PLPP4: variants seen among roughly 807,000 people sequenced by gnomAD.
PLPP4 encodes the protein phospholipid phosphatase 4.
PLPP4 carries 20 observed loss-of-function variants against 32.2 expected under a neutral mutation model. That is an observed-to-expected ratio of 0.62 (90% CI 0.44 to 0.90). The LOEUF is 0.90. Ranked by LOEUF, PLPP4 falls within the 40% of genes least tolerant of loss-of-function variation. PLPP4 has a pLI of 0.00. For synonymous variants in PLPP4, 127 were observed against 133.0 expected, an observed-to-expected ratio of 0.95 and a Z score of 0.31; for missense variants, 257 against 353.1, an observed-to-expected ratio of 0.73 and a Z score of 2.18.
intron 1 of PLPP4, among the ~76,000 whole-genome samples, chr10:120,465,630 G>T (rs532999993): frequency 6.7e-4 from 102 of 152,274 alleles, no homozygotes; most frequent in African/African-American, 2.3e-3. Context: ...TGAACCATAT[G>T]AAATTGCTGA....
At chr10:120,524,778 A>G (rs1229664820) in intron 5 of PLPP4, among the ~76,000 whole-genome samples, 1 of 152,166 alleles carries the variant, frequency 6.6e-6, no homozygotes, top group Non-Finnish European at 1.5e-5. Context: ...TTTTCATCCA[A>G]CCTAAAAGAA....
intron 5 of PLPP4, among the ~76,000 whole-genome samples, chr10:120,533,359 G>A (rs763234827): frequency 3.3e-5 from 5 of 151,936 alleles, no homozygotes; most frequent in Admixed American, 6.6e-5. Context: ...TTTTAAATCC[G>A]GTTTTGTGTC....
intron 5 of PLPP4, among the ~76,000 whole-genome samples, chr10:120,550,842 G>T (rs904020804): frequency 1.3e-5 from 2 of 152,058 alleles, no homozygotes; most frequent in South Asian, 4.2e-4. Flanking sequence ...GATAGACAAA[G>T]ATTTCTTTAG....
rs1463755579 is a variant in PLPP4 at position 120,468,374 on chromosome 10, C to T, written c.56+11013C>T. Among the ~76,000 whole-genome samples the T allele has an allele frequency of 3.1e-5, 2 of 65,072 alleles. 1 individual carries two copies. Among genetic ancestry groups the T allele is most frequent in the African/African-American group, 6.5e-5 (2 of 30,578 alleles). 42.7% of individuals were successfully genotyped at this position (65,072 alleles called of 152,430 possible). Reference sequence around the variant, plus strand: ...TCTATAGTAGGTAGTTATTTGTTTACTTGAGAAGACATTTATAACAATTGT... The same window carrying T: ...TCTATAGTAGGTAGTTATTTGTTTATTTGAGAAGACATTTATAACAATTGT... On this transcript the variant is annotated intron_variant, in intron 1 of 6. Coordinates refer to ENST00000398250, the MANE Select transcript of PLPP4 (RefSeq NM_001030059.3).
chr10:120,581,814 C>T (rs1379539558), intron 6 of PLPP4, among the ~76,000 whole-genome samples: 1 of 152,190 alleles, frequency 6.6e-6, no homozygotes, highest in African/African-American at 2.4e-5. Context: ...TGTCCCTCTC[C>T]CCTTGCGCAT....
chr10:120,477,005 G>C (rs892448607), intron 1 of PLPP4, among the ~76,000 whole-genome samples: 3 of 152,092 alleles, frequency 2.0e-5, no homozygotes, highest in African/African-American at 7.2e-5. Flanking sequence ...TTGTTTATAA[G>C]AATTATCTTA....
chr10:120,457,960 G>C (rs1847868810), intron 1 of PLPP4, among the ~76,000 whole-genome samples: 3 of 152,266 alleles, frequency 2.0e-5, no homozygotes. Context: ...TCTGTGCCCG[G>C]TCGATGTCCG....
intron 2 of PLPP4, among the ~76,000 whole-genome samples, chr10:120,511,656 G>A (rs755048976): frequency 4.6e-5 from 7 of 152,172 alleles, no homozygotes; most frequent in Admixed American, 1.3e-4. Context: ...GAGAAACAAG[G>A]ACTTCTTTGA....
chr10:120,539,363 A>G (rs890217051), intron 5 of PLPP4, among the ~76,000 whole-genome samples: 4 of 152,200 alleles, frequency 2.6e-5, no homozygotes, highest in Admixed American at 2.0e-4. Flanking sequence ...AGGGCTTAAA[A>G]TGCCTGTCAA....
chr10:120,566,414 G>T (rs541434440), intron 5 of PLPP4, among the ~76,000 whole-genome samples: 49 of 152,284 alleles, frequency 3.2e-4, no homozygotes, highest in Non-Finnish European at 3.5e-4. Flanking sequence ...TGAGAAGCAT[G>T]AATTGGATAG....
intron 6 of PLPP4, chr10:120,581,024 G>T: frequency 7.8e-7 from 1 of 1,289,274 alleles, no homozygotes; most frequent in South Asian, 1.2e-5. Context: ...TGGTGCCTAG[G>T]AGAGCGTAAG....
intron 5 of PLPP4, among the ~76,000 whole-genome samples, chr10:120,540,662 T>C (rs1847295057): frequency 6.6e-6 from 1 of 152,370 alleles, no homozygotes; most frequent in East Asian, 1.9e-4. Flanking sequence ...ATAACTATTC[T>C]TGGCAGCCCT....
chr10:120,582,039 C>T (rs1218058064), intron 6 of PLPP4, among the ~76,000 whole-genome samples: 1 of 152,164 alleles, frequency 6.6e-6, no homozygotes, highest in East Asian at 1.9e-4. Flanking sequence ...ACTTAGTTTG[C>T]TGGCGTCTGC....
intron 2 of PLPP4, among the ~76,000 whole-genome samples, chr10:120,509,246 G>A (rs542339777): frequency 2.6e-5 from 4 of 152,200 alleles, no homozygotes; most frequent in South Asian, 2.1e-4. Flanking sequence ...TATTATTATC[G>A]TCATACCCAT....
chr10:120,486,146 T>A, intron 1 of PLPP4, among the ~76,000 whole-genome samples: 1 of 152,206 alleles, frequency 6.6e-6, no homozygotes, highest in Non-Finnish European at 1.5e-5. Context: ...GGCCAGGGCC[T>A]GCTTCTGTGG....
intron 2 of PLPP4, among the ~76,000 whole-genome samples, chr10:120,504,661 G>C (rs1845413266): frequency 1.3e-5 from 2 of 152,198 alleles, no homozygotes; most frequent in Admixed American, 6.5e-5. Flanking sequence ...CTTTCTACAA[G>C]TCATTGCCCA....
chr10:120,557,252 A>G (rs1848204068), intron 5 of PLPP4, among the ~76,000 whole-genome samples: 1 of 152,200 alleles, frequency 6.6e-6, no homozygotes, highest in South Asian at 2.1e-4. Flanking sequence ...TGAAGCTTGA[A>G]ATATGTTTTG....
chr10:120,573,681 C>A (rs34203070), intron 5 of PLPP4, among the ~76,000 whole-genome samples: 1 of 152,084 alleles, frequency 6.6e-6, no homozygotes, highest in Non-Finnish European at 1.5e-5. Flanking sequence ...ATTTCCCTTA[C>A]ATTTTATATT....
rs372979681 is a variant in PLPP4 at position 120,526,908 on chromosome 10, C to T, written c.445+5813C>T. ...GGCTGCCTCTCATCAGCACCACCCT[C>T]TGCAGGTGTGTAGATTGAGCTGTCT... On this transcript the variant is annotated intron_variant, in intron 5 of 6. Transcript: ENST00000398250. 1.7e-4 allele frequency among the ~76,000 whole-genome samples: 26 copies of T among 152,330 alleles called. No individual in the cohort carries two copies. The East Asian group carries it at 2.3e-3, about 14-fold the overall frequency.
Sources: gnomAD v4.1 joint callset for allele counts (sites outside exome capture counted in the v4.1 genomes callset) on GRCh38, gnomAD v4.1.1 for gene constraint, MANE v1.5 for transcripts, NCBI Gene and HGNC (gene_info 2026-07-23, HGNC 2026-07-21) for gene names.